Variants in DPRX observed in about 807,000 individuals in gnomAD.
The protein encoded by DPRX is divergent paired-related homeobox.
A neutral mutation model predicts 8.4 loss-of-function variants in DPRX; 11 were observed. That is an observed-to-expected ratio of 1.31 (90% confidence interval 0.82 to 2.17). DPRX has a LOEUF of 2.17. Among genes scored for constraint, DPRX ranks in the 30% most tolerant of loss-of-function variants. DPRX has a pLI of 0.00. For missense variants in DPRX, 211 were observed against 236.7 expected (o/e 0.89, Z 0.71); for synonymous variants, 72 against 87.0 (o/e 0.83, Z 0.96).
chr19:53,611,150 C>A, the DPRX span, among the ~76,000 whole-genome samples: 3 of 152,144 alleles, frequency 2.0e-5, no homozygotes, highest in Non-Finnish European at 4.4e-5. Context: ...GATCCAACTG[C>A]CTCGGCCTCT....
the DPRX span, among the ~76,000 whole-genome samples, chr19:53,609,846 G>A: frequency 6.6e-6 from 1 of 152,030 alleles, no homozygotes. Context: ...TTAGCTGGAC[G>A]TGGTGGCACA....
intron 2 of DPRX, among the ~76,000 whole-genome samples, chr19:53,635,902 C>T (rs920129858): frequency 5.3e-5 from 8 of 152,108 alleles, no homozygotes; most frequent in African/African-American, 1.9e-4. Context: ...TCCCCTTGCT[C>T]TCCTATCCCC....
At chr19:53,615,192 G>A in the DPRX span, among the ~76,000 whole-genome samples, 4 of 151,512 alleles carry the variant, frequency 2.6e-5, no homozygotes, top group East Asian at 3.9e-4. Flanking sequence ...GGCTGGTCTC[G>A]AACTCCTGGC....
At chr19:53,620,244 T>G in the DPRX span, among the ~76,000 whole-genome samples, 1 of 151,638 alleles carries the variant, frequency 6.6e-6, no homozygotes, top group Non-Finnish European at 1.5e-5. Context: ...TGTTTTTTTG[T>G]ATTTTTAGTA....
intron 1 of DPRX, among the ~76,000 whole-genome samples, chr19:53,633,132 C>CA (rs1167357765): frequency 1.7e-5 from 1 of 60,520 alleles, no homozygotes; most frequent in Non-Finnish European, 3.6e-5. Context: ...GTTGTCTCTA[C>CA]AAAAAATACA....
the DPRX span, among the ~76,000 whole-genome samples, chr19:53,605,665 A>AATATT: frequency 6.6e-6 from 1 of 151,312 alleles, no homozygotes; most frequent in Non-Finnish European, 1.5e-5. Context: ...ATTTATTTTA[A>AATATT]TTATTTTATT....
chr19:53,611,036 G>A, the DPRX span, among the ~76,000 whole-genome samples: 1 of 151,838 alleles, frequency 6.6e-6, no homozygotes, highest in African/African-American at 2.4e-5. Flanking sequence ...CAAGTAGCTG[G>A]GATTACAGGC....
the DPRX span, among the ~76,000 whole-genome samples, chr19:53,621,022 C>T: frequency 6.6e-6 from 1 of 152,176 alleles, no homozygotes; most frequent in South Asian, 2.1e-4. Context: ...TTTCATGAGA[C>T]TGAACAGTGA....
chr19:53,632,370 G>C (rs895322587), intron 1 of DPRX, among the ~76,000 whole-genome samples: 1 of 152,004 alleles, frequency 6.6e-6, no homozygotes, highest in Non-Finnish European at 1.5e-5. Context: ...GCACGATTTC[G>C]GCTCACTGCA....
the DPRX span, among the ~76,000 whole-genome samples, chr19:53,625,940 C>A: frequency 1.3e-5 from 2 of 150,742 alleles, no homozygotes; most frequent in African/African-American, 4.9e-5. Flanking sequence ...GCCCAGTGCC[C>A]CCCCTTTTTT....
chr19:53,613,388 C>G, the DPRX span, among the ~76,000 whole-genome samples: 1 of 152,194 alleles, frequency 6.6e-6, no homozygotes, highest in South Asian at 2.1e-4. Context: ...GCTCTGTCAC[C>G]CAGGCTGGAG....
At chr19:53,610,601 G>A in the DPRX span, among the ~76,000 whole-genome samples, 10 of 146,856 alleles carry the variant, frequency 6.8e-5, no homozygotes, top group East Asian at 4.2e-4. Context: ...GAGCTCTGCC[G>A]GGGGCAGGTG....
At chr19:53,613,170 GA>G in the DPRX span, among the ~76,000 whole-genome samples, 8 of 152,252 alleles carry the variant, frequency 5.3e-5, no homozygotes, top group Non-Finnish European at 1.5e-5. Flanking sequence ...AGCTGCTTCG[GA>G]AGCCTTTGTT....
chr19:53,633,538 G>T (rs1021436460), intron 1 of DPRX, among the ~76,000 whole-genome samples: 2 of 151,818 alleles, frequency 1.3e-5, no homozygotes, highest in Admixed American at 6.6e-5. Context: ...TTGAGACAGG[G>T]TCTCCCTCTG....
chr19:53,627,921 A>G (rs2091077542), upstream of DPRX, among the ~76,000 whole-genome samples: 1 of 151,784 alleles, frequency 6.6e-6, no homozygotes, highest in African/African-American at 2.4e-5. Context: ...AATCCCAGTT[A>G]TTTAGGAGGC....
intron 2 of DPRX, among the ~76,000 whole-genome samples, chr19:53,635,000 A>G (rs1012316420): frequency 2.0e-5 from 3 of 152,166 alleles, no homozygotes; most frequent in Non-Finnish European, 4.4e-5. Context: ...CTGTGTTCCC[A>G]GAAACTCTTT....
upstream of DPRX, among the ~76,000 whole-genome samples, chr19:53,629,326 A>G (rs1408881451): frequency 6.6e-6 from 1 of 151,414 alleles, no homozygotes; most frequent in Non-Finnish European, 1.5e-5. Context: ...AAAAAAAAAA[A>G]AAAAAAAGAG....
the DPRX span, chr19:53,601,266 A>G: frequency 2.2e-6 from 1 of 456,038 alleles, no homozygotes; most frequent in Non-Finnish European, 4.4e-6. Flanking sequence ...GCCACTCACC[A>G]ATCAACATCC....
Position 53,634,450 on chromosome 19 carries a change from TGGAAA to T in DPRX, c.29-69_29-65del. 4.6e-6 allele frequency: 7 copies of T among 1,517,322 alleles called. No individual in the cohort carries two copies. The South Asian group carries it at 9.2e-5, about 20-fold the overall frequency. 94.0% of individuals were successfully genotyped at this position (1,517,322 alleles called of 1,614,324 possible). On this transcript the variant is annotated intron_variant, in intron 1 of 2. Coordinates refer to ENST00000376650, the Ensembl canonical transcript of DPRX. The stretch of plus-strand genomic sequence containing the variant: ...ACTTGATCATCACGTTGTACCTCAG[TGGAAA>T]GGAAAGGAAAGCTCAGGCTTTTGAG...
Sources: gnomAD v4.1 joint callset for allele counts (sites outside exome capture counted in the v4.1 genomes callset) on GRCh38, gnomAD v4.1.1 for gene constraint, MANE v1.5 for transcripts, NCBI Gene and HGNC (gene_info 2026-07-23, HGNC 2026-07-21) for gene names.